DCUN1D4: variants seen among roughly 807,000 people sequenced by gnomAD.
DCUN1D4 encodes defective in cullin neddylation 1 domain containing 4.
DCUN1D4 carries 22 observed loss-of-function variants against 47.9 expected under a neutral mutation model. That is an observed-to-expected ratio of 0.46 (90% CI 0.33 to 0.66). The LOEUF (loss-of-function observed/expected upper bound fraction) is 0.66. Ranked by LOEUF, DCUN1D4 falls within the 30% of genes least tolerant of loss-of-function variation. The pLI is 0.02. For missense variants in DCUN1D4, 301 were observed against 340.8 expected (o/e 0.88, Z 0.92); for synonymous variants, 121 against 112.2 (o/e 1.08, Z -0.50).
chr4:51,884,059 C>T (rs988289249), intron 5 of DCUN1D4, among the ~76,000 whole-genome samples: 1 of 150,546 alleles, frequency 6.6e-6, no homozygotes, highest in African/African-American at 2.4e-5. Context: ...TAGAAGGGGA[C>T]AAAACCCCAG....
At chr4:51,885,251 A>C (rs1321837494) in intron 5 of DCUN1D4, among the ~76,000 whole-genome samples, 2 of 152,188 alleles carry the variant, frequency 1.3e-5, no homozygotes, top group African/African-American at 4.8e-5. Context: ...TTAGGAGATC[A>C]TGAGGAGACT....
At chr4:51,890,593 G>A (rs1048067283) in intron 6 of DCUN1D4, among the ~76,000 whole-genome samples, 3 of 152,202 alleles carry the variant, frequency 2.0e-5, no homozygotes, top group Non-Finnish European at 4.4e-5. Context: ...AGAGTGGCTG[G>A]CAGAATGGTC....
At chr4:51,881,723 C>T (rs914978041) in intron 5 of DCUN1D4, among the ~76,000 whole-genome samples, 1 of 150,938 alleles carries the variant, frequency 6.6e-6, no homozygotes, top group African/African-American at 2.4e-5. Context: ...TTCTAACCCA[C>T]TTTGTGTTAG....
chr4:51,895,568 A>T (rs1292423671), intron 7 of DCUN1D4, among the ~76,000 whole-genome samples: 2 of 77,872 alleles, frequency 2.6e-5, no homozygotes, highest in African/African-American at 1.2e-4. Flanking sequence ...TTAAAAAAAA[A>T]AAAAAAAAAA....
At chr4:51,860,059 C>G (rs972803703) in intron 1 of DCUN1D4, among the ~76,000 whole-genome samples, 1 of 152,114 alleles carries the variant, frequency 6.6e-6, no homozygotes, top group African/African-American at 2.4e-5. Context: ...AACAGATGAA[C>G]TGTAAATCCA....
At chr4:51,877,982 A>G in intron 5 of DCUN1D4, 128 bp downstream of exon 5, 1 of 522,042 alleles carries the variant, frequency 1.9e-6, no homozygotes, top group Non-Finnish European at 3.3e-6. Flanking sequence ...TCCCTGTTAG[A>G]GGGAGAGAGG....
intron 5 of DCUN1D4, among the ~76,000 whole-genome samples, chr4:51,880,991 G>C (rs999129919): frequency 6.6e-5 from 10 of 152,200 alleles, no homozygotes; most frequent in African/African-American, 2.4e-4. Context: ...AGCCAGGCGT[G>C]GTGGCATGCG....
At chr4:51,878,417 C>A (rs566892814) in intron 5 of DCUN1D4, among the ~76,000 whole-genome samples, 2 of 152,274 alleles carry the variant, frequency 1.3e-5, no homozygotes, top group South Asian at 2.1e-4. Flanking sequence ...TTCAAACAAG[C>A]TCAAGCTGAA....
At position 51,899,595 on chromosome 4, in the gene DCUN1D4, G is replaced by A. The variant is rs565942498; in HGVS notation, c.615+217G>A. Reference sequence around the variant, plus strand: ...TCAGCAAAAAGCTCTAGTGGCAGACGTTTACTGGCTCTTGGAATTGGCTTA... The same window carrying A: ...TCAGCAAAAAGCTCTAGTGGCAGACATTTACTGGCTCTTGGAATTGGCTTA... On this transcript the variant is annotated intron_variant, in intron 8 of 10. Coordinates refer to ENST00000334635, the MANE Select transcript of DCUN1D4 (RefSeq NM_001040402.3). Among the ~76,000 whole-genome samples, 37 of 152,284 alleles carry A rather than the reference G, an allele frequency of 2.4e-4. No homozygotes were observed. The South Asian group carries it at 6.2e-3, about 26-fold the overall frequency.
Position 51,891,868 on chromosome 4 carries a change from A to G in DCUN1D4, c.506+17A>G, listed in dbSNP as rs753997561. 1.9e-6 allele frequency: 3 copies of G among 1,579,752 alleles called. No individual in the cohort carries two copies. Among genetic ancestry groups the G allele is most frequent in the South Asian group, 2.3e-5 (2 of 86,320 alleles). ...TTCTCTCCAGTAAGTCCTAGGCTGC[A>G]CTAGTGGGGGTCCCTGCCCTTCCCA... On this transcript the variant is annotated intron_variant, in intron 7 of 10. Coordinates refer to ENST00000334635, the MANE Select transcript of DCUN1D4 (RefSeq NM_001040402.3).
At chr4:51,876,925 A>C (rs1727803025) in intron 4 of DCUN1D4, among the ~76,000 whole-genome samples, 1 of 152,230 alleles carries the variant, frequency 6.6e-6, no homozygotes. Context: ...AAGGGATATA[A>C]AAATGTATAT....
At chr4:51,862,195 A>G (rs1431975681) in intron 1 of DCUN1D4, among the ~76,000 whole-genome samples, 1 of 152,364 alleles carries the variant, frequency 6.6e-6, no homozygotes, top group East Asian at 1.9e-4. Context: ...TGAACAGTGC[A>G]TATGCACATG....
intron 1 of DCUN1D4, among the ~76,000 whole-genome samples, chr4:51,861,797 A>G (rs112079772): frequency 0.01 from 1,580 of 152,192 alleles, 21 homozygotes; most frequent in Non-Finnish European, 0.016. Context: ...AAAGGGGGCT[A>G]TGGCTTGGTA....
intron 8 of DCUN1D4, among the ~76,000 whole-genome samples, chr4:51,910,181 G>A (rs1316976839): frequency 1.3e-5 from 2 of 152,168 alleles, no homozygotes; most frequent in Admixed American, 1.3e-4. Flanking sequence ...CTTTGGATAT[G>A]TAAGGTATGC....
rs952328162 is a variant in DCUN1D4 at position 51,858,658 on chromosome 4, C to T, written c.26-4779C>T. Among the ~76,000 whole-genome samples, 4 of 152,136 alleles carry T rather than the reference C, an allele frequency of 2.6e-5. No individual in the cohort carries two copies. The East Asian group carries it at 5.8e-4, about 22-fold the overall frequency. ...TATATGTTGTGTATGTGTATTTATA[C>T]GTATATGTTTATCAGCTCTCTGTCA... On this transcript the variant is annotated intron_variant, in intron 1 of 10. Transcript: ENST00000334635.
chr4:51,844,429 G>A, intron 1 of DCUN1D4: 1 of 984,028 alleles, frequency 1.0e-6, no homozygotes, highest in African/African-American at 1.7e-5. Context: ...CCGGCAGCGG[G>A]ACTAGGAGGC....
At chr4:51,844,911 A>G in intron 1 of DCUN1D4, 1 of 985,412 alleles carries the variant, frequency 1.0e-6, no homozygotes, top group Non-Finnish European at 1.2e-6. Context: ...TTCCCCGGCC[A>G]GCTCCTGCGC....
intron 5 of DCUN1D4, among the ~76,000 whole-genome samples, chr4:51,885,146 CCA>C (rs1729256239): frequency 6.6e-6 from 1 of 151,816 alleles, no homozygotes; most frequent in African/African-American, 2.4e-5. Context: ...CTCTAGGGAG[CCA>C]TTGAAGGATT....
chr4:51,886,488 T>G, intron 5 of DCUN1D4, 80 bp from the exon 6 acceptor site: 1 of 1,228,322 alleles, frequency 8.1e-7, no homozygotes, highest in South Asian at 1.7e-5. Flanking sequence ...GTCTTACTTG[T>G]TGACAGTATA....
Sources: gnomAD v4.1 joint callset for allele counts (sites outside exome capture counted in the v4.1 genomes callset) on GRCh38, gnomAD v4.1.1 for gene constraint, MANE v1.5 for transcripts, NCBI Gene and HGNC (gene_info 2026-07-23, HGNC 2026-07-21) for gene names.